ARHGAP15: variants seen among roughly 807,000 people sequenced by gnomAD.
ARHGAP15 encodes the protein rho GTPase-activating protein 15.
In ARHGAP15, 51 loss-of-function variants were observed where a neutral mutation model predicts 63.7. The ratio of observed to expected loss-of-function variants is 0.80; its 90% CI spans 0.64 to 1.01. The LOEUF is 1.01. Among genes scored for constraint, ARHGAP15 ranks in the 50% least tolerant of loss-of-function variants. The probability of loss-of-function intolerance (pLI) is 0.00; values close to 1 mark genes in which losing one functional copy is unlikely to be tolerated. For synonymous variants in ARHGAP15, 191 were observed against 193.8 expected, an observed-to-expected ratio of 0.99 and a Z score of 0.12; for missense variants, 560 against 564.6, an observed-to-expected ratio of 0.99 and a Z score of 0.08.
chr2:143,426,258 T>C (rs565757597), intron 6 of ARHGAP15, among the ~76,000 whole-genome samples: 2 of 152,332 alleles, frequency 1.3e-5, no homozygotes, highest in South Asian at 2.1e-4. Flanking sequence ...ATGTAAATAT[T>C]GCACCTCTTA....
intron 6 of ARHGAP15, among the ~76,000 whole-genome samples, chr2:143,252,166 C>T (rs1364312011): frequency 6.6e-6 from 1 of 151,986 alleles, no homozygotes; most frequent in African/African-American, 2.4e-5. Flanking sequence ...TTCTGTTAAT[C>T]TTATGAAGAG....
At chr2:143,637,479 C>T (rs964124944) in intron 12 of ARHGAP15, among the ~76,000 whole-genome samples, 1 of 151,920 alleles carries the variant, frequency 6.6e-6, no homozygotes, top group Non-Finnish European at 1.5e-5. Flanking sequence ...TTTGCATATT[C>T]AAAAGACTTA....
intron 9 of ARHGAP15, among the ~76,000 whole-genome samples, chr2:143,489,101 CCT>C (rs1257491183): frequency 6.6e-6 from 1 of 152,172 alleles, no homozygotes; most frequent in African/African-American, 2.4e-5. Context: ...AACCAACAAT[CCT>C]AACTTTACAT....
chr2:143,156,299 G>A (rs548146941), intron 2 of ARHGAP15, among the ~76,000 whole-genome samples: 34 of 152,000 alleles, frequency 2.2e-4, no homozygotes, highest in South Asian at 4.2e-4. Context: ...CACTGATTGC[G>A]ATGAGTCTCC....
chr2:143,619,146 C>T (rs144793714), intron 11 of ARHGAP15, among the ~76,000 whole-genome samples: 4 of 152,230 alleles, frequency 2.6e-5, no homozygotes, highest in African/African-American at 9.6e-5. Context: ...TTAAATGCTC[C>T]TTGTTCCTTG....
intron 11 of ARHGAP15, among the ~76,000 whole-genome samples, chr2:143,591,127 A>T (rs570118393): frequency 1.3e-5 from 2 of 152,220 alleles, no homozygotes; most frequent in East Asian, 1.9e-4. Context: ...AGGAGCTAAA[A>T]ATATATATAT....
At chr2:143,501,457 C>A (rs561397816) in intron 9 of ARHGAP15, among the ~76,000 whole-genome samples, 2 of 152,272 alleles carry the variant, frequency 1.3e-5, no homozygotes, top group Admixed American at 6.5e-5. Context: ...GAAGTGAGAG[C>A]CTGTTTTAGT....
chr2:143,662,313 C>T (rs1261476255), intron 12 of ARHGAP15, among the ~76,000 whole-genome samples: 1 of 149,668 alleles, frequency 6.7e-6, no homozygotes, highest in African/African-American at 2.5e-5. Context: ...CACACTGACA[C>T]CTCACACGGC....
chr2:143,548,109 TTTG>T (rs1695407652), intron 10 of ARHGAP15, among the ~76,000 whole-genome samples: 1 of 152,024 alleles, frequency 6.6e-6, no homozygotes, highest in South Asian at 2.1e-4. Flanking sequence ...TAAGACGAGG[TTTG>T]TTAAGAGCTC....
intron 6 of ARHGAP15, among the ~76,000 whole-genome samples, chr2:143,310,004 C>G (rs187784947): frequency 1.3e-5 from 2 of 151,902 alleles, no homozygotes; most frequent in Admixed American, 6.6e-5. Flanking sequence ...TATGTTCTTT[C>G]AAGGCATAAT....
chr2:143,599,272 A>G (rs1697661243), intron 11 of ARHGAP15, among the ~76,000 whole-genome samples: 1 of 152,166 alleles, frequency 6.6e-6, no homozygotes, highest in Non-Finnish European at 1.5e-5. Flanking sequence ...ATGAACTCAG[A>G]CATTTGAATA....
chr2:143,391,727 C>T (rs905771278), intron 6 of ARHGAP15, among the ~76,000 whole-genome samples: 1 of 152,146 alleles, frequency 6.6e-6, no homozygotes, highest in African/African-American at 2.4e-5. Context: ...ACCCCTTTCC[C>T]TGAGAAGGAA....
chr2:143,599,435 T>A (rs542754006), intron 11 of ARHGAP15, among the ~76,000 whole-genome samples: 4 of 152,118 alleles, frequency 2.6e-5, no homozygotes, highest in African/African-American at 9.6e-5. Context: ...ATCACAAAAA[T>A]TAATCTGAGC....
At chr2:143,134,117 ATCTAT>A (rs1689024978) in intron 1 of ARHGAP15, among the ~76,000 whole-genome samples, 2 of 14,048 alleles carry the variant, frequency 1.4e-4, no homozygotes, top group Non-Finnish European at 3.1e-4. Context: ...CTATCTATCT[ATCTAT>A]CTATCTATCT....
intron 9 of ARHGAP15, among the ~76,000 whole-genome samples, chr2:143,491,883 ATTATTT>A (rs770523265): frequency 2.4e-4 from 37 of 151,654 alleles, no homozygotes; most frequent in Non-Finnish European, 5.0e-4. Flanking sequence ...TTTTATTATT[ATTATTT>A]TTATTTTTTG....
intron 13 of ARHGAP15, among the ~76,000 whole-genome samples, chr2:143,709,006 A>G (rs1684454985): frequency 6.6e-6 from 1 of 152,122 alleles, no homozygotes; most frequent in Non-Finnish European, 1.5e-5. Flanking sequence ...GAATCTTATC[A>G]ACTACTTATC....
At chr2:143,452,150 T>G (rs964558379) in intron 8 of ARHGAP15, among the ~76,000 whole-genome samples, 1 of 152,014 alleles carries the variant, frequency 6.6e-6, no homozygotes, top group South Asian at 2.1e-4. Flanking sequence ...AGGTTTTCAT[T>G]ATACACAGAG....
intron 6 of ARHGAP15, among the ~76,000 whole-genome samples, chr2:143,342,846 A>G (rs1373027702): frequency 1.3e-5 from 2 of 152,080 alleles, no homozygotes; most frequent in Non-Finnish European, 2.9e-5. Context: ...CCTAACAATA[A>G]TATTGACAAT....
intron 6 of ARHGAP15, among the ~76,000 whole-genome samples, chr2:143,315,757 T>C (rs1393955085): frequency 1.3e-5 from 2 of 152,148 alleles, no homozygotes; most frequent in African/African-American, 4.8e-5. Context: ...TATTCCTGAA[T>C]CACCTTAATC....
Sources: allele counts gnomAD v4.1 joint callset (sites outside exome capture counted in the v4.1 genomes callset), GRCh38; gene constraint gnomAD v4.1.1; transcripts MANE v1.5; gene names NCBI Gene and HGNC (gene_info 2026-07-23, HGNC 2026-07-21).